PIAS2: variants seen among roughly 807,000 people sequenced by gnomAD.
PIAS2 encodes the protein E3 SUMO-protein ligase PIAS2.
PIAS2 carries 19 observed loss-of-function variants against 69.7 expected under a neutral mutation model. The observed-to-expected ratio is 0.27, with a 90% CI of 0.19 to 0.40. The LOEUF (loss-of-function observed/expected upper bound fraction) is 0.40. Ranked by LOEUF, PIAS2 falls within the 10% of genes least tolerant of loss-of-function variation. The pLI, the probability that PIAS2 is intolerant of heterozygous loss-of-function variation, is 1.00. For synonymous variants in PIAS2, 261 were observed against 263.2 expected, an observed-to-expected ratio of 0.99 and a Z score of 0.08; for missense variants, 624 against 757.0, an observed-to-expected ratio of 0.82 and a Z score of 2.06.
At chr18:46,831,865 AG>A (rs1239044551) in intron 9 of PIAS2, among the ~76,000 whole-genome samples, 2 of 152,222 alleles carry the variant, frequency 1.3e-5, no homozygotes, top group African/African-American at 4.8e-5. Context: ...CAGGAAGCTC[AG>A]AAAAAATATT....
intron 1 of PIAS2, among the ~76,000 whole-genome samples, chr18:46,912,228 C>A (rs988257824): frequency 2.6e-5 from 4 of 152,114 alleles, no homozygotes; most frequent in African/African-American, 9.7e-5. Flanking sequence ...GTACCAGGGT[C>A]CCCTGCAGAT....
rs1050030258 is a variant in PIAS2, at chr18:46,810,047, C to T, written c.*2386G>A. 1.3e-5 allele frequency: 2 copies of T among 151,960 alleles called. No homozygotes were observed. The highest frequency in any genetic ancestry group is 4.8e-5 in the African/African-American group (2 of 41,306). The allele number at this position is 151,960 out of a possible 1,614,324, so 9.4% of individuals were successfully genotyped here. ...ACTAATGCTCAAGACAGATAAACAA[C>T]GTAAGCCCCAATTTCAAGATGATAA... On this transcript the variant is annotated 3_prime_UTR_variant, in exon 14 of 14. Transcript: ENST00000585916.
At chr18:46,897,813 C>T (rs1025677632) in intron 1 of PIAS2, among the ~76,000 whole-genome samples, 1 of 151,696 alleles carries the variant, frequency 6.6e-6, no homozygotes, top group Non-Finnish European at 1.5e-5. Context: ...AAAATGTATA[C>T]TATGTTCTGT....
Position 46,803,835 on chromosome 18 carries a change from C to T in PIAS2, c.*8598G>A, listed in dbSNP as rs2040573310. 6.6e-6 allele frequency: 1 copy of T among 152,164 alleles called. No individual in the cohort carries two copies. The highest frequency in any genetic ancestry group is 1.5e-5 in the Non-Finnish European group (1 of 68,066). 9.4% of individuals were successfully genotyped at this position (152,164 alleles called of 1,614,324 possible). A position where few individuals can be genotyped will look rare whatever the true frequency, so the allele number is the denominator to read the frequency against. On this transcript the variant is annotated 3_prime_UTR_variant, in exon 14 of 14. Coordinates refer to ENST00000585916, the MANE Select transcript of PIAS2 (RefSeq NM_004671.5). ...GGGTGGGTCTACAAGGAGTTGCTTACACTTCCAGGTTTAATACACCTACTC... is the reference window on the plus strand; with the variant it reads ...GGGTGGGTCTACAAGGAGTTGCTTATACTTCCAGGTTTAATACACCTACTC...
intron 12 of PIAS2, chr18:46,818,313 T>C (rs973335328): frequency 2.1e-6 from 3 of 1,431,718 alleles, no homozygotes; most frequent in South Asian, 3.4e-5. Context: ...AAGGCAGTCA[T>C]ATTTTTCCTT....
chr18:46,904,248 T>A (rs2056287065), intron 1 of PIAS2: 1 of 152,214 alleles, frequency 6.6e-6, no homozygotes. Flanking sequence ...GTCTCTGTAT[T>A]ATTTCCTAGA....
chr18:46,869,207 A>AT (rs2049951728), intron 2 of PIAS2, among the ~76,000 whole-genome samples: 1 of 152,216 alleles, frequency 6.6e-6, no homozygotes, highest in African/African-American at 2.4e-5. Context: ...CCGTGAGGGA[A>AT]GCAGCCAGAG....
At chr18:46,912,945 A>G (rs2057419345) in intron 1 of PIAS2, among the ~76,000 whole-genome samples, 1 of 152,210 alleles carries the variant, frequency 6.6e-6, no homozygotes, top group South Asian at 2.1e-4. Context: ...CCAGGCTCCC[A>G]AAATGCTGAG....
intron 9 of PIAS2, among the ~76,000 whole-genome samples, chr18:46,834,915 C>T (rs1402713029): frequency 6.6e-6 from 1 of 152,196 alleles, no homozygotes; most frequent in South Asian, 2.1e-4. Context: ...TGGGAGGCAT[C>T]TTAATAATAA....
intron 2 of PIAS2, among the ~76,000 whole-genome samples, chr18:46,886,963 A>G (rs889826930): frequency 5.3e-5 from 8 of 152,226 alleles, no homozygotes; most frequent in African/African-American, 1.4e-4. Context: ...TCTGTTTTCA[A>G]TAGCACCCAG....
intron 11 of PIAS2, among the ~76,000 whole-genome samples, chr18:46,822,478 T>C (rs1017000400): frequency 6.6e-6 from 1 of 152,186 alleles, no homozygotes; most frequent in African/African-American, 2.4e-5. Context: ...GTCTGTAGGT[T>C]AGAATCTGGA....
chr18:46,835,041 A>G (rs975245004), intron 9 of PIAS2, among the ~76,000 whole-genome samples: 1 of 152,240 alleles, frequency 6.6e-6, no homozygotes, highest in Non-Finnish European at 1.5e-5. Flanking sequence ...GGGCAATTTT[A>G]AATTGAAAAA....
intron 8 of PIAS2, among the ~76,000 whole-genome samples, chr18:46,841,272 A>G (rs975801131): frequency 3.9e-5 from 6 of 152,196 alleles, no homozygotes; most frequent in Non-Finnish European, 8.8e-5. Flanking sequence ...ACTGCAAATC[A>G]CTTTACGAAA....
chr18:46,903,811 A>G (rs2146201423), intron 1 of PIAS2, among the ~76,000 whole-genome samples: 1 of 152,332 alleles, frequency 6.6e-6, no homozygotes, highest in East Asian at 1.9e-4. Flanking sequence ...ACTGTAAACA[A>G]CCCAGATGTC....
intron 5 of PIAS2, among the ~76,000 whole-genome samples, chr18:46,850,693 C>G (rs1238856158): frequency 6.6e-6 from 1 of 152,164 alleles, no homozygotes; most frequent in Non-Finnish European, 1.5e-5. Flanking sequence ...GGGATGTCAG[C>G]CTGATTCCTC....
intron 2 of PIAS2, among the ~76,000 whole-genome samples, chr18:46,883,683 T>C (rs2052668634): frequency 6.6e-6 from 1 of 151,772 alleles, no homozygotes; most frequent in African/African-American, 2.4e-5. Flanking sequence ...TACAAAAAAA[T>C]ACAAAAAAAT....
intron 6 of PIAS2, among the ~76,000 whole-genome samples, chr18:46,845,482 T>C (rs1424575311): frequency 6.6e-6 from 1 of 152,172 alleles, no homozygotes; most frequent in Non-Finnish European, 1.5e-5. Flanking sequence ...TACTATAGTA[T>C]GTAAGACACA....
chr18:46,818,296 C>A, intron 12 of PIAS2: 17 of 1,380,290 alleles, frequency 1.2e-5, no homozygotes, highest in Non-Finnish European at 1.6e-5. Flanking sequence ...ATGGCACTAG[C>A]AATAATAAGG....
chr18:46,868,307 C>T (rs1439487275), intron 2 of PIAS2, among the ~76,000 whole-genome samples: 1 of 152,194 alleles, frequency 6.6e-6, no homozygotes. Context: ...TAAACAACTA[C>T]TTCTGCCAGT....
Sources: allele counts gnomAD v4.1 joint callset (sites outside exome capture counted in the v4.1 genomes callset), GRCh38; gene constraint gnomAD v4.1.1; transcripts MANE v1.5; gene names NCBI Gene and HGNC (gene_info 2026-07-23, HGNC 2026-07-21).